EYA2: variants seen among roughly 807,000 people sequenced by gnomAD.
EYA2 encodes protein phosphatase EYA2.
In EYA2, 31 loss-of-function variants were observed where a neutral mutation model predicts 69.2. That is an observed-to-expected ratio of 0.45 (90% confidence interval 0.34 to 0.60). EYA2 has a LOEUF of 0.60. Ranked by LOEUF, EYA2 falls within the 20% of genes least tolerant of loss-of-function variation. The pLI is 0.02. For synonymous variants in EYA2, 257 were observed against 279.4 expected (o/e 0.92, Z 0.80); for missense variants, 622 against 701.2 (o/e 0.89, Z 1.28).
At chr20:46,953,937 C>G (rs952657188) in intron 1 of EYA2, among the ~76,000 whole-genome samples, 12 of 152,240 alleles carry the variant, frequency 7.9e-5, no homozygotes, top group Admixed American at 5.9e-4. Flanking sequence ...CCAGGGCCTA[C>G]AAGGCCCTGT....
intron 10 of EYA2, chr20:47,166,976 G>A (rs192179398): frequency 1.3e-3 from 197 of 154,658 alleles, no homozygotes; most frequent in Non-Finnish European, 1.3e-3. Context: ...ATGTCACTCC[G>A]CCAGCATCAT....
rs116589933 is a variant in EYA2 at position 46,949,477 on chromosome 20, G to A, written c.-10-40524G>A. ...AAGTAAAGAGAATTTAGGGGATCAA[G>A]GAACTGAGAGTCCAGGGTCAGAGCT... is the stretch of plus-strand genomic sequence containing the variant. On this transcript the variant is annotated intron_variant, in intron 1 of 15. Transcript: ENST00000327619. 5.0e-3 allele frequency among the ~76,000 whole-genome samples: 757 copies of A among 152,286 alleles called. 9 individuals carry two copies. Among genetic ancestry groups the A allele is most frequent in the African/African-American group, 0.017 (717 of 41,548 alleles).
At chr20:47,170,208 A>G (rs548207526) in intron 11 of EYA2, among the ~76,000 whole-genome samples, 1 of 149,958 alleles carries the variant, frequency 6.7e-6, no homozygotes, top group Non-Finnish European at 1.5e-5. Context: ...GCACCCGACC[A>G]GCATGCATAT....
In EYA2 at chr20:47,169,208, G is replaced by T; in HGVS notation, c.1037+11G>T. On this transcript the variant is annotated intron_variant, in intron 11 of 15. Coordinates refer to ENST00000327619, the MANE Select transcript of EYA2 (RefSeq NM_005244.5). ...TGGCCAAGATTTAAGGTGGGAATTT[G>T]GGGAGTCAAAAATGCCCATTGATTG... is the stretch of plus-strand genomic sequence containing the variant. 1 of 1,613,386 alleles carries T rather than the reference G, an allele frequency of 6.2e-7. No individual in the cohort carries two copies. Among genetic ancestry groups the T allele is most frequent in the Non-Finnish European group, 8.5e-7 (1 of 1,179,364 alleles).
In EYA2 at chr20:47,032,473, G is replaced by A. The variant is rs548810261; in HGVS notation, c.415+16176G>A. Among the ~76,000 whole-genome samples the A allele has an allele frequency of 1.2e-3, 188 of 152,104 alleles. 1 individual carries two copies. The highest frequency in any genetic ancestry group is 4.2e-3 in the African/African-American group (176 of 41,494). The stretch of plus-strand genomic sequence containing the variant: ...GAACATTCTCTATGTATGCATTTAC[G>A]AGCTTATTTTTCTTCTCACCAGTAG... On this transcript the variant is annotated intron_variant, in intron 5 of 15. Transcript: ENST00000327619.
chr20:46,894,971 C>T lies in EYA2; in HGVS notation c.-27C>T, dbSNP rs927851186. 1 of 151,662 alleles carries T rather than the reference C, an allele frequency of 6.6e-6. No individual in the cohort carries two copies. The highest frequency in any genetic ancestry group is 2.4e-5 in the African/African-American group (1 of 41,362). The allele number at this position is 151,662 out of a possible 1,614,324, so 9.4% of individuals were successfully genotyped here. ...GCCCGCCCGCACCGCGTCGGGGCGC[C>T]CTCTCCACTGCGCGCGGTGAGTACC... On this transcript the variant is annotated 5_prime_UTR_variant, in exon 1 of 16. Transcript: ENST00000327619.
chr20:47,006,929 T>C (rs1454845010), intron 4 of EYA2, among the ~76,000 whole-genome samples: 1 of 152,184 alleles, frequency 6.6e-6, no homozygotes, highest in Non-Finnish European at 1.5e-5. Context: ...AAAAAAAAGT[T>C]TTTTTAATTT....
At chr20:47,075,789 A>G (rs1267884183) in intron 7 of EYA2, among the ~76,000 whole-genome samples, 1 of 152,066 alleles carries the variant, frequency 6.6e-6, no homozygotes, top group Non-Finnish European at 1.5e-5. Flanking sequence ...GTGTACAGAT[A>G]ATTTTGTCAC....
chr20:46,981,589 C>G (rs1980836216), intron 1 of EYA2, among the ~76,000 whole-genome samples: 2 of 152,206 alleles, frequency 1.3e-5, no homozygotes, highest in Non-Finnish European at 2.9e-5. Flanking sequence ...CTAGGTCTAA[C>G]AGAGCCCTAG....
At chr20:46,920,377 G>A (rs941276024) in intron 1 of EYA2, among the ~76,000 whole-genome samples, 2 of 152,048 alleles carry the variant, frequency 1.3e-5, no homozygotes, top group Non-Finnish European at 2.9e-5. Context: ...TTTAAAAAAT[G>A]GTCTGTTATT....
chr20:46,994,905 C>CTTTTTTTT (rs3091998), intron 2 of EYA2, among the ~76,000 whole-genome samples: 1 of 147,154 alleles, frequency 6.8e-6, no homozygotes, highest in African/African-American at 2.5e-5. Flanking sequence ...CTAATTTGTT[C>CTTTTTTTT]TTTTTTTTTT....
At chr20:46,987,988 A>C (rs1317814664) in intron 1 of EYA2, among the ~76,000 whole-genome samples, 2 of 78,218 alleles carry the variant, frequency 2.6e-5, no homozygotes, top group Non-Finnish European at 4.8e-5. Context: ...ATATATATAT[A>C]TATATATATG....
chr20:47,177,372 A>G (rs1441943062), intron 12 of EYA2, among the ~76,000 whole-genome samples: 1 of 152,184 alleles, frequency 6.6e-6, no homozygotes, highest in Non-Finnish European at 1.5e-5. Flanking sequence ...TCAGCCTCCC[A>G]AAGTGCTGGG....
At chr20:47,031,003 A>T (rs931090347) in intron 5 of EYA2, among the ~76,000 whole-genome samples, 1 of 83,514 alleles carries the variant, frequency 1.2e-5, no homozygotes, top group African/African-American at 2.8e-5. Context: ...CTGTTTCCAA[A>T]TACAGTCACA....
intron 10 of EYA2, among the ~76,000 whole-genome samples, chr20:47,160,175 G>A (rs747429712): frequency 3.3e-5 from 5 of 152,152 alleles, no homozygotes; most frequent in Non-Finnish European, 7.3e-5. Flanking sequence ...GGAGGATAGG[G>A]GCTAGATAAG....
chr20:46,991,759 G>A (rs928572130), intron 2 of EYA2, among the ~76,000 whole-genome samples: 3 of 152,044 alleles, frequency 2.0e-5, no homozygotes, highest in African/African-American at 7.2e-5. Context: ...CACGAGGTCA[G>A]GAGTTCAAGA....
At chr20:46,958,558 T>A (rs192524643) in intron 1 of EYA2, among the ~76,000 whole-genome samples, 4 of 152,214 alleles carry the variant, frequency 2.6e-5, no homozygotes, top group African/African-American at 9.6e-5. Flanking sequence ...CTCATTTTTT[T>A]AAACTGTTAA....
intron 9 of EYA2, among the ~76,000 whole-genome samples, chr20:47,124,283 C>T (rs2033124163): frequency 6.6e-6 from 1 of 152,186 alleles, no homozygotes; most frequent in Non-Finnish European, 1.5e-5. Flanking sequence ...ATTAGGTAGA[C>T]ATCTGGACTC....
At chr20:47,129,606 G>T (rs2033284711) in intron 9 of EYA2, among the ~76,000 whole-genome samples, 1 of 152,180 alleles carries the variant, frequency 6.6e-6, no homozygotes, top group African/African-American at 2.4e-5. Context: ...TAAGTGAAAA[G>T]CACAGCTCTG....
Sources: gnomAD v4.1 joint callset for allele counts (sites outside exome capture counted in the v4.1 genomes callset) on GRCh38, gnomAD v4.1.1 for gene constraint, MANE v1.5 for transcripts, NCBI Gene and HGNC (gene_info 2026-07-23, HGNC 2026-07-21) for gene names.